The following CD302 variants were observed in gnomAD, a reference collection of about 807,000 sequenced individuals.
CD302 encodes the protein CD302 molecule.
In CD302, 23 loss-of-function variants were observed where a neutral mutation model predicts 26.5. The ratio of observed to expected loss-of-function variants is 0.87; its 90% CI spans 0.62 to 1.23. The LOEUF (loss-of-function observed/expected upper bound fraction) is 1.23. Ranked by LOEUF, CD302 falls within the 50% of genes most tolerant of loss-of-function variation. The probability of loss-of-function intolerance (pLI) is 0.00; values close to 1 mark genes in which losing one functional copy is unlikely to be tolerated. For synonymous variants in CD302, 90 were observed against 99.4 expected (o/e 0.91, Z 0.56); for missense variants, 290 against 275.5 (o/e 1.05, Z -0.37).
chr2:159,771,813 G>T lies in CD302; in HGVS notation c.*38C>A. 3 of 1,600,908 alleles carry T rather than the reference G, an allele frequency of 1.9e-6. No homozygotes were observed. Among genetic ancestry groups the T allele is most frequent in the East Asian group, 2.2e-5 (1 of 44,714 alleles). On this transcript the variant is annotated 3_prime_UTR_variant, in exon 6 of 6. Coordinates refer to ENST00000259053, the MANE Select transcript of CD302 (RefSeq NM_014880.5). Reference sequence around the variant, plus strand: ...TCTTTCCCAAGTTATCTCTGCCAGGGCATTTTGTTGATGTCTTAGTGCAAG... The same window carrying T: ...TCTTTCCCAAGTTATCTCTGCCAGGTCATTTTGTTGATGTCTTAGTGCAAG...
At chr2:159,776,632 C>T (rs1708334938) in intron 5 of CD302, among the ~76,000 whole-genome samples, 1 of 151,800 alleles carries the variant, frequency 6.6e-6, no homozygotes, top group Non-Finnish European at 1.5e-5. Context: ...CTTCTTTTCT[C>T]CTCCTCTGTC....
chr2:159,790,161 A>G (rs1708771126), intron 1 of CD302, among the ~76,000 whole-genome samples: 1 of 152,188 alleles, frequency 6.6e-6, no homozygotes, highest in Non-Finnish European at 1.5e-5. Flanking sequence ...GGGTGATGAG[A>G]AAAAGAGTAA....
chr2:159,784,346 C>CTTT lies in CD302; in HGVS notation c.68-880_68-878dup, dbSNP rs151184238. Among the ~76,000 whole-genome samples, 9 of 53,096 alleles carry CTTT rather than the reference C, an allele frequency of 1.7e-4. 2 individuals are homozygous for CTTT. Among genetic ancestry groups the CTTT allele is most frequent in the Non-Finnish European group, 2.9e-4 (9 of 30,922 alleles). The allele number at this position is 53,096 out of a possible 152,430, so 34.8% of individuals were successfully genotyped here. ...TAGCAATTTTATGTTTTAAGTTCTG[C>CTTT]TTTTTTTTTTTTTTTTTTTTTTTTT... On this transcript the variant is annotated intron_variant, in intron 1 of 5. Coordinates refer to ENST00000259053, the MANE Select transcript of CD302 (RefSeq NM_014880.5).
Position 159,771,971 on chromosome 2 carries a change from G to T in CD302, c.579C>A (p.Tyr193Ter), listed in dbSNP as rs954467821. ...TGAAACGAGAATCAGAATGTTTTTT[G>T]TACAGGAACCAAATGATTGCTCCCA... The part of the protein sequence containing the change: ...TVLGAIIWFL[Y>*]KKHSDSRFTT... The change falls in exon 6 of 6, where the codon TAC (tyrosine) becomes TAA (stop). Residue 193 changes from tyrosine (Y) to a stop codon, truncating the protein, a stop_gained. Transcript: ENST00000259053. LOFTEE classifies it high-confidence loss of function. The T allele has an allele frequency of 6.2e-7, 1 of 1,613,964 alleles. No individual in the cohort carries two copies. The highest frequency in any genetic ancestry group is 8.5e-7 in the Non-Finnish European group (1 of 1,179,920).
intron 1 of CD302, among the ~76,000 whole-genome samples, chr2:159,792,871 G>T (rs1421337425): frequency 8.5e-5 from 13 of 152,084 alleles, no homozygotes; most frequent in Non-Finnish European, 4.4e-5. Context: ...ATTCAACATG[G>T]AACCCCTTTT....
Position 159,783,367 on chromosome 2 carries a change from G to GAA in CD302, c.169_170insTT (p.Thr57IlefsTer8), listed in dbSNP as rs1349573003. 1.9e-6 allele frequency: 3 copies of GAA among 1,602,528 alleles called. No individual in the cohort carries two copies. In the Admixed American group the frequency reaches 5.3e-5, roughly 28 times the overall value. ...AAGAATAAGCCTTTTACCATGGTCA[G>GAA]TACACTGATTTCTGACATCCTCTAT... On this transcript the variant is annotated frameshift_variant, in exon 2 of 6. Coordinates refer to ENST00000259053, the MANE Select transcript of CD302 (RefSeq NM_014880.5). LOFTEE classifies it high-confidence loss of function.
At position 159,797,993 on chromosome 2, in the gene CD302, G is replaced by A. The variant is rs1682520258; in HGVS notation, c.67+139C>T. 7 of 768,916 alleles carry A rather than the reference G, an allele frequency of 9.1e-6. No homozygotes were observed. In the Admixed American group the frequency reaches 9.2e-5, roughly 10 times the overall value. The allele number at this position is 768,916 out of a possible 1,614,324, so 47.6% of individuals were successfully genotyped here. ...GAGCCAGGACCCACGGGGGACGGGCGTGCAGGGAAGGGCGGGATGGCCGGC... is the reference window on the plus strand; with the variant it reads ...GAGCCAGGACCCACGGGGGACGGGCATGCAGGGAAGGGCGGGATGGCCGGC... On this transcript the variant is annotated intron_variant, in intron 1 of 5. Coordinates refer to ENST00000259053, the MANE Select transcript of CD302 (RefSeq NM_014880.5).
chr2:159,794,305 T>TAATAA (rs1553795854), intron 1 of CD302, among the ~76,000 whole-genome samples: 7,087 of 107,980 alleles, frequency 0.066, 331 homozygotes, highest in Non-Finnish European at 0.095. Context: ...AATAAAATAA[T>TAATAA]AAAAAAAAAA....
At chr2:159,786,980 C>A (rs1560048698) in intron 1 of CD302, among the ~76,000 whole-genome samples, 1 of 152,188 alleles carries the variant, frequency 6.6e-6, no homozygotes, top group South Asian at 2.1e-4. Context: ...ACATTGTGTA[C>A]TCTTTTGTGT....
intron 5 of CD302, among the ~76,000 whole-genome samples, chr2:159,772,793 G>T (rs1462356433): frequency 1.3e-5 from 2 of 151,930 alleles, no homozygotes; most frequent in Admixed American, 6.6e-5. Context: ...ATTTCAACTG[G>T]TGCTTGTTAA....
At chr2:159,779,726 C>T (rs1199311009) in intron 4 of CD302, among the ~76,000 whole-genome samples, 2 of 151,960 alleles carry the variant, frequency 1.3e-5, no homozygotes, top group Admixed American at 6.6e-5. Flanking sequence ...ACCTCAGGCT[C>T]CCATGTATTT....
In CD302 at chr2:159,776,012, C is replaced by CTTTT. The variant is rs71406197; in HGVS notation, c.496+1922_496+1925dup. On this transcript the variant is annotated intron_variant, in intron 5 of 5. Coordinates refer to ENST00000259053, the MANE Select transcript of CD302 (RefSeq NM_014880.5). ...TGCAGCCTCTGCCTCCGGGTTTCAA[C>CTTTT]TTTTTTTTTTTTTTTTTTAAAGTAG... Among the ~76,000 whole-genome samples the CTTTT allele has an allele frequency of 1.8e-3, 143 of 81,260 alleles. 8 individuals are homozygous for CTTTT. The highest frequency in any genetic ancestry group is 3.6e-3 in the East Asian group (10 of 2,794). 53.3% of individuals were successfully genotyped at this position (81,260 alleles called of 152,430 possible).
At chr2:159,773,322 AGTTTT>A (rs1310097581) in intron 5 of CD302, among the ~76,000 whole-genome samples, 2 of 152,154 alleles carry the variant, frequency 1.3e-5, no homozygotes, top group African/African-American at 4.8e-5. Flanking sequence ...CCCCGTAGTT[AGTTTT>A]ATTAGAATTA....
In CD302 at chr2:159,771,788, T is replaced by G; in HGVS notation, c.*63A>C. The G allele has an allele frequency of 6.4e-7, 1 of 1,561,302 alleles. No individual in the cohort carries two copies. The highest frequency in any genetic ancestry group is 8.8e-7 in the Non-Finnish European group (1 of 1,141,934). ...TCCAATGTCAAGTTTTATATTAAAA[T>G]CTTTCCCAAGTTATCTCTGCCAGGG... On this transcript the variant is annotated 3_prime_UTR_variant, in exon 6 of 6. Transcript: ENST00000259053.
intron 4 of CD302, among the ~76,000 whole-genome samples, chr2:159,778,566 A>G (rs10460301): frequency 0.38 from 58,360 of 152,136 alleles, 13,396 homozygotes; most frequent in Middle Eastern, 0.6. Context: ...TATGTAAAGA[A>G]AGGAAATAAA....
At chr2:159,780,240 G>A (rs1708466634) in intron 3 of CD302, 62 bp from the exon 4 acceptor site, 2 of 1,567,378 alleles carry the variant, frequency 1.3e-6, no homozygotes, top group East Asian at 4.5e-5. Flanking sequence ...AGCCAAAAAG[G>A]GTGTAGGATT....
chr2:159,781,608 AAAGAAAAGAGGAAG>A (rs1708513984), intron 2 of CD302: 1 of 151,806 alleles, frequency 6.6e-6, no homozygotes, highest in African/African-American at 2.4e-5. Flanking sequence ...AGAGAGAAAG[AAAGAAAAGAGGAAG>A]AAGAAAAAGG....
At chr2:159,788,371 T>C (rs1708723524) in intron 1 of CD302, among the ~76,000 whole-genome samples, 1 of 152,192 alleles carries the variant, frequency 6.6e-6, no homozygotes, top group Non-Finnish European at 1.5e-5. Context: ...CAGTATTCAG[T>C]ATAGCAACAT....
At chr2:159,774,709 C>T (rs578053862) in intron 5 of CD302, among the ~76,000 whole-genome samples, 9 of 152,322 alleles carry the variant, frequency 5.9e-5, no homozygotes, top group African/African-American at 2.2e-4. Context: ...CTTTGCTGAA[C>T]CCAGCTTGGA....
Sources: allele counts gnomAD v4.1 joint callset (sites outside exome capture counted in the v4.1 genomes callset), GRCh38; gene constraint gnomAD v4.1.1; transcripts MANE v1.5; gene names NCBI Gene and HGNC (gene_info 2026-07-23, HGNC 2026-07-21).